The following CACNA1C variants were observed in gnomAD, a reference collection of about 807,000 sequenced individuals.
CACNA1C encodes the protein calcium voltage-gated channel subunit alpha1 C.
A neutral mutation model predicts 229.0 loss-of-function variants in CACNA1C; 30 were observed. The observed-to-expected ratio is 0.13, with a 90% CI of 0.10 to 0.18. CACNA1C has a LOEUF of 0.18. Among genes scored for constraint, CACNA1C ranks in the 10% least tolerant of loss-of-function variants. The probability of loss-of-function intolerance (pLI) is 1.00; values close to 1 mark genes in which losing one functional copy is unlikely to be tolerated. For missense variants in CACNA1C, 1,658 were observed against 2,845.0 expected (o/e 0.58, Z 9.49); for synonymous variants, 1,114 against 1,132.5 (o/e 0.98, Z 0.33).
Position 2,595,099 on chromosome 12 carries a change from G to C in CACNA1C, c.2664-775G>C, listed in dbSNP as rs1030894428. Among the ~76,000 whole-genome samples the C allele has an allele frequency of 2.6e-5, 4 of 152,162 alleles. No homozygotes were observed. Among genetic ancestry groups the C allele is most frequent in the African/African-American group, 9.7e-5 (4 of 41,424 alleles). Reference sequence around the variant, plus strand: ...ATTGTCTGAGAGAGTTTGGCCCTTCGAGGGTTTGGTGCTTCTGCAGCAGGA... The same window carrying C: ...ATTGTCTGAGAGAGTTTGGCCCTTCCAGGGTTTGGTGCTTCTGCAGCAGGA... On this transcript the variant is annotated intron_variant, in intron 19 of 46. Coordinates refer to ENST00000399655, the MANE Select transcript of CACNA1C (RefSeq NM_000719.7). This position sits in a 1 kb window ranked among gnomAD's most constrained non-coding sequence, Gnocchi z 4.1.
intron 6 of CACNA1C, among the ~76,000 whole-genome samples, chr12:2,487,862 A>G (rs1025516213): frequency 1.8e-4 from 27 of 152,166 alleles, no homozygotes; most frequent in African/African-American, 6.3e-4. Context: ...CTCAGAACCA[A>G]TAAATTTATA....
chr12:2,436,030 C>A (rs938069695), intron 3 of CACNA1C, among the ~76,000 whole-genome samples: 2 of 152,148 alleles, frequency 1.3e-5, no homozygotes, highest in African/African-American at 4.8e-5. Flanking sequence ...GCTTCCCAGG[C>A]AAGGGGCTGC....
chr12:2,593,411 AT>A, intron 19 of CACNA1C, 66 bp downstream of exon 19: 1 of 1,556,616 alleles, frequency 6.4e-7, no homozygotes, highest in Non-Finnish European at 8.8e-7. Context: ...AGTTGCCTGT[AT>A]TTTACCTGAA....
At position 2,566,518 on chromosome 12, in the gene CACNA1C, C is replaced by T. The variant is rs1600338231; in HGVS notation, c.1605C>T (p.Phe535=). The T allele has an allele frequency of 1.3e-6, 2 of 1,593,836 alleles. No individual in the cohort carries two copies. Among genetic ancestry groups the T allele is most frequent in the African/African-American group, 1.3e-5 (1 of 74,574 alleles). The part of the protein sequence containing the change: ...VFYWLVIFLV[F]LNTLTIASEH... Reference sequence around the variant, plus strand: ...ACTGGCTGGTGATTTTCCTGGTGTTCCTCAACACGCTCACCATTGCCTCTG... The same window carrying T: ...ACTGGCTGGTGATTTTCCTGGTGTTTCTCAACACGCTCACCATTGCCTCTG... The change falls in exon 12 of 47, where the codon TTC becomes TTT. Residue 535 remains phenylalanine, a synonymous_variant. Transcript: ENST00000399655. This position sits in a 1 kb window ranked among gnomAD's most constrained non-coding sequence, Gnocchi z 4.0.
intron 1 of CACNA1C, among the ~76,000 whole-genome samples, chr12:1,994,169 T>G (rs1281720111): frequency 6.6e-6 from 1 of 152,198 alleles, no homozygotes; most frequent in Non-Finnish European, 1.5e-5. Context: ...TCATCTACCC[T>G]TGGGTGACAG....
chr12:2,315,684 A>G (rs1567014599), intron 3 of CACNA1C, among the ~76,000 whole-genome samples: 2 of 152,230 alleles, frequency 1.3e-5, no homozygotes, highest in South Asian at 2.1e-4. Flanking sequence ...AAAAGGGAAG[A>G]AAAAACCCTA....
intron 7 of CACNA1C, among the ~76,000 whole-genome samples, chr12:2,501,041 C>CT (rs957987875): frequency 1.4e-4 from 20 of 144,066 alleles, no homozygotes; most frequent in African/African-American, 4.8e-4. Context: ...CCCGTCTCTA[C>CT]TTTAAAAAAA....
At chr12:1,975,950 G>A (rs79139811) in intron 1 of CACNA1C, among the ~76,000 whole-genome samples, 1,976 of 152,256 alleles carry the variant, frequency 0.013, 48 homozygotes, top group African/African-American at 0.043. Context: ...CTCACACTGT[G>A]TATCTGCTTA....
chr12:2,697,016 A>C lies in CACNA1C; in HGVS notation c.*5817A>C, dbSNP rs1373797788. ...ACTACACCAATGTTTAAAAGGGGAA[A>C]AGGAAAGAACTTGTACATCAAGGGA... On this transcript the variant is annotated 3_prime_UTR_variant, in exon 47 of 47. Transcript: ENST00000399655. The C allele has an allele frequency of 6.6e-6, 1 of 152,340 alleles. No homozygotes were observed. The highest frequency in any genetic ancestry group is 1.9e-4 in the East Asian group (1 of 5,204). 9.4% of individuals were successfully genotyped at this position (152,340 alleles called of 1,614,324 possible). A position where few individuals can be genotyped will look rare whatever the true frequency, so the allele number is the denominator to read the frequency against.
rs1337865963 is a variant in CACNA1C at position 2,691,173 on chromosome 12, A to G, written c.6391A>G (p.Ser2131Gly). The change falls in exon 47 of 47, where the codon AGC becomes GGC. Residue 2131 changes from serine (S) to glycine (G), a missense_variant. Ser to Gly is a moderately conservative substitution (Grantham distance 56). This residue lies in a region of CACNA1C where 590 missense variants were observed against 700.8 expected (regional missense o/e 0.84). Transcript: ENST00000399655. Reference protein sequence around the residue: ...GRPSEEELQDSRVYVSSL With the variant: ...GRPSEEELQDGRVYVSSL ...ACCGAGTGAGGAGGAGCTCCAGGAC[A>G]GCAGGGTCTACGTCAGCAGCCTGTA... The G allele has an allele frequency of 1.1e-5, 17 of 1,595,084 alleles. No individual in the cohort carries two copies. In the South Asian group the frequency reaches 1.8e-4, roughly 17 times the overall value.
intron 3 of CACNA1C, among the ~76,000 whole-genome samples, chr12:2,415,863 G>A (rs565572249): frequency 3.3e-5 from 5 of 152,192 alleles, no homozygotes; most frequent in South Asian, 2.1e-4. Flanking sequence ...CCTTTCCCTG[G>A]CCAGCTCTTA....
intron 4 of CACNA1C, among the ~76,000 whole-genome samples, chr12:2,450,331 G>A (rs562451361): frequency 3.3e-5 from 5 of 152,014 alleles, no homozygotes; most frequent in Non-Finnish European, 5.9e-5. Flanking sequence ...AAGGCGGGCG[G>A]ATCACGAGGT....
At chr12:2,270,756 A>T (rs1406229634) in intron 3 of CACNA1C, among the ~76,000 whole-genome samples, 1 of 152,160 alleles carries the variant, frequency 6.6e-6, no homozygotes, top group African/African-American at 2.4e-5. Flanking sequence ...CTCCATCCTG[A>T]TGCCACAATG....
rs762380372 is a variant in CACNA1C at position 2,004,382 on chromosome 12, C to G, written c.139+33181C>G. The G allele has an allele frequency of 3.7e-6, 6 of 1,612,826 alleles. No homozygotes were observed. The Admixed American group carries it at 1.0e-4, about 27-fold the overall frequency. ...GTCGTGGCGCTGCAGGGCCGCTAGG[C>G]TGATGTCGCGCCCCTTTCCCACCAG... On this transcript the variant is annotated intron_variant, in intron 1 of 46. Transcript: ENST00000682462.
chr12:2,642,534 G>A (rs1025439230), intron 30 of CACNA1C, among the ~76,000 whole-genome samples: 8 of 152,186 alleles, frequency 5.3e-5, no homozygotes, highest in African/African-American at 1.9e-4. Flanking sequence ...TCAAAGATAC[G>A]TAGGGTGCCT....
chr12:2,256,241 T>C (rs2077723862), intron 3 of CACNA1C, among the ~76,000 whole-genome samples: 1 of 152,166 alleles, frequency 6.6e-6, no homozygotes. Flanking sequence ...AGCTTCATAG[T>C]TCAGCCTTGC....
At chr12:2,606,872 G>T in intron 25 of CACNA1C, 112 bp from the exon 26 acceptor site, 1 of 1,278,654 alleles carries the variant, frequency 7.8e-7, no homozygotes, top group East Asian at 2.4e-5. Context: ...GGCTAGAACG[G>T]TGAAGTTCAA....
rs2041960987 is a variant in CACNA1C, at chr12:2,000,574, A to G, written c.139+29373A>G. On this transcript the variant is annotated intron_variant, in intron 1 of 46. Transcript: ENST00000682462. ...AATTAATCTCTAACTTATAACAAGT[A>G]ATTCTTAAAACTAAGATTTTTATTT... 2.6e-5 allele frequency among the ~76,000 whole-genome samples: 4 copies of G among 152,232 alleles called. No homozygotes were observed. The South Asian group carries it at 8.3e-4, about 31-fold the overall frequency.
intron 29 of CACNA1C, among the ~76,000 whole-genome samples, chr12:2,625,040 G>T (rs1041314502): frequency 6.6e-6 from 1 of 152,094 alleles, no homozygotes; most frequent in Non-Finnish European, 1.5e-5. Flanking sequence ...CGGGTGCCAC[G>T]CAGTGCTCCT....
Sources: gnomAD v4.1 joint callset for allele counts (sites outside exome capture counted in the v4.1 genomes callset) on GRCh38, gnomAD v4.1.1 for gene constraint, gnomAD v4.1.1 regional missense constraint, Gnocchi (gnomAD v3.1) non-coding constraint, MANE v1.5 for transcripts, NCBI Gene and HGNC (gene_info 2026-07-23, HGNC 2026-07-21) for gene names.